ATP2B3: variants seen among roughly 807,000 people sequenced by gnomAD.
The protein encoded by ATP2B3 is ATPase plasma membrane Ca2+ transporting 3, also known as plasma membrane calcium-transporting ATPase 3.
A neutral mutation model predicts 70.8 loss-of-function variants in ATP2B3; 12 were observed. The ratio of observed to expected loss-of-function variants is 0.17; its 90% CI spans 0.11 to 0.27. The LOEUF is 0.27. Among genes scored for constraint, ATP2B3 ranks in the 10% least tolerant of loss-of-function variants. The pLI is 1.00. For missense variants in ATP2B3, 858 were observed against 1,118.5 expected (o/e 0.77, Z 3.32); for synonymous variants, 460 against 497.8 (o/e 0.92, Z 1.01).
At chrX:153,536,740 C>T (rs1406880486) in intron 3 of ATP2B3, among the ~76,000 whole-genome samples, 1 of 112,356 alleles carries the variant, frequency 8.9e-6, no homozygotes, top group Non-Finnish European at 1.9e-5. Flanking sequence ...CAAACAGAAA[C>T]CCTTCCGAGG....
chrX:153,538,144 C>T (rs2090221251), intron 3 of ATP2B3, among the ~76,000 whole-genome samples: 3 of 112,942 alleles, frequency 2.7e-5, no homozygotes, highest in South Asian at 7.2e-4. Flanking sequence ...GAGCGGGTGA[C>T]TCGCTCCCCG....
chrX:153,535,900 C>T (rs1557003657), intron 2 of ATP2B3, among the ~76,000 whole-genome samples: 1 of 112,840 alleles, frequency 8.9e-6, no homozygotes, highest in African/African-American at 3.2e-5. Flanking sequence ...CTGGGCAAGC[C>T]CTCCAGGTTC....
At chrX:153,549,231 G>A (rs1381822648) in intron 10 of ATP2B3, among the ~76,000 whole-genome samples, 1 of 99,034 alleles carries the variant, frequency 1.0e-5, no homozygotes, top group Non-Finnish European at 2.0e-5. Flanking sequence ...TGGTGGGGTG[G>A]GAGAGCTGCA....
intron 20 of ATP2B3, 128 bp from the exon 21 acceptor site, chrX:153,564,793 C>T: frequency 2.7e-6 from 2 of 730,529 alleles, no homozygotes; most frequent in Non-Finnish European, 3.9e-6. Context: ...ACTCCCTTTG[C>T]TTAGTCACAA....
intron 2 of ATP2B3, among the ~76,000 whole-genome samples, chrX:153,534,405 G>A (rs1003183977): frequency 2.7e-5 from 3 of 111,767 alleles, no homozygotes; most frequent in South Asian, 3.8e-4. Context: ...GGACAGCTTC[G>A]CTTGCTGTCC....
chrX:153,559,472 G>T (rs1450174890), intron 17 of ATP2B3: 6 of 395,416 alleles, frequency 1.5e-5, no homozygotes, highest in East Asian at 1.2e-4. Flanking sequence ...CTGTTTTGTG[G>T]TCTGGGGTTT....
rs1237382790 is a variant in ATP2B3, at chrX:153,518,559, A to G, written c.-127+8A>G. On this transcript the variant is annotated splice_region_variant and intron_variant, in intron 2 of 21. Coordinates refer to ENST00000263519, the MANE Select transcript of ATP2B3 (RefSeq NM_001001344.3). ...TGGAATTTGGAATGGCAGGTGCGGC[A>G]TCTCCCAGAGCCTGAGACGATGGGC... is the stretch of plus-strand genomic sequence containing the variant. Among the ~76,000 whole-genome samples, 3 of 111,961 alleles carry G rather than the reference A, an allele frequency of 2.7e-5. No homozygotes were observed. Among genetic ancestry groups the G allele is most frequent in the African/African-American group, 9.7e-5 (3 of 30,786 alleles).
At chrX:153,558,072 C>T in intron 16 of ATP2B3, 40 bp from the exon 17 acceptor site, 3 of 1,161,502 alleles carry the variant, frequency 2.6e-6, no homozygotes, top group South Asian at 4.1e-5. Flanking sequence ...GAAGGGGCCC[C>T]CACAAACACT....
At chrX:153,548,552 C>A in intron 9 of ATP2B3, 88 bp from the exon 10 acceptor site, 3 of 848,705 alleles carry the variant, frequency 3.5e-6, no homozygotes, top group Non-Finnish European at 3.4e-6. Context: ...CCTCCGAGAC[C>A]GTGTCCATAC....
At chrX:153,554,117 C>T (rs1243671841) in intron 13 of ATP2B3, among the ~76,000 whole-genome samples, 1 of 113,938 alleles carries the variant, frequency 8.8e-6, no homozygotes, top group African/African-American at 3.2e-5. Context: ...AGCCATGGCT[C>T]ATGTCAACAG....
chrX:153,579,494 C>T (rs1603139364), intron 21 of ATP2B3, among the ~76,000 whole-genome samples: 2 of 112,274 alleles, frequency 1.8e-5, no homozygotes, highest in East Asian at 5.6e-4. Context: ...ACATCCCACT[C>T]ACCAGCATTC....
rs971768494 is a variant in ATP2B3, at chrX:153,578,053, A to G, written c.3343-1925A>G. 7.1e-5 allele frequency among the ~76,000 whole-genome samples: 8 copies of G among 112,435 alleles called. 1 individual carries two copies. In the Middle Eastern group the frequency reaches 0.014, roughly 193 times the overall value. On this transcript the variant is annotated intron_variant, in intron 21 of 21. Transcript: ENST00000263519. ...CCGAAAAAAGGTGATTAATTGTCTA[A>G]ACGACAGAGCCAGAGAGGAAATATT... is the stretch of plus-strand genomic sequence containing the variant.
At chrX:153,557,843 G>A (rs1193783831) in intron 16 of ATP2B3, among the ~76,000 whole-genome samples, 1 of 106,919 alleles carries the variant, frequency 9.4e-6, no homozygotes, top group Non-Finnish European at 1.9e-5. Flanking sequence ...AAGCTGTGTT[G>A]ATGCCATGTC....
chrX:153,575,275 GAGCC>G (rs1413888713), intron 21 of ATP2B3, among the ~76,000 whole-genome samples: 4 of 112,816 alleles, frequency 3.5e-5, no homozygotes, highest in Non-Finnish European at 7.5e-5. Context: ...TGGGTGCAGC[GAGCC>G]AGACAGACAG....
chrX:153,541,884 G>A lies in ATP2B3; in HGVS notation c.622G>A (p.Val208Met), dbSNP rs782725101. The A allele has an allele frequency of 9.1e-6, 11 of 1,209,663 alleles. No homozygotes were observed. Among genetic ancestry groups the A allele is most frequent in the South Asian group, 1.8e-5 (1 of 56,809 alleles). Reference sequence around the variant, plus strand: ...GAACGGGCAGCTCCTCCAGGTCCCCGTGGCTGCGCTGGTGGTGGGGGACAT... The same window carrying A: ...GAACGGGCAGCTCCTCCAGGTCCCCATGGCTGCGCTGGTGGTGGGGGACAT... ...IRNGQLLQVP[V>M]AALVVGDIAQ... The change falls in exon 5 of 22, where the codon GTG (valine) becomes ATG (methionine). Residue 208 changes from valine to methionine, a missense_variant. Transcript: ENST00000263519.
At chrX:153,522,731 G>A (rs1446630433) in intron 2 of ATP2B3, among the ~76,000 whole-genome samples, 1 of 111,856 alleles carries the variant, frequency 8.9e-6, no homozygotes, top group Non-Finnish European at 1.9e-5. Flanking sequence ...GCAGCTCACC[G>A]TGCTGTGGGG....
chrX:153,545,839 G>A (rs1248231034), intron 7 of ATP2B3, among the ~76,000 whole-genome samples: 3 of 111,931 alleles, frequency 2.7e-5, no homozygotes, highest in African/African-American at 6.5e-5. Context: ...CCCTTCCAAG[G>A]CTGGCTTTAG....
intron 3 of ATP2B3, among the ~76,000 whole-genome samples, chrX:153,538,525 C>T (rs1423222249): frequency 8.8e-6 from 1 of 113,043 alleles, no homozygotes; most frequent in Non-Finnish European, 1.9e-5. Flanking sequence ...TGGGTTCGCC[C>T]GGGAACCTGG....
chrX:153,530,740 G>T (rs1557001605), intron 2 of ATP2B3, among the ~76,000 whole-genome samples: 1 of 108,502 alleles, frequency 9.2e-6, no homozygotes, highest in Non-Finnish European at 1.9e-5. Flanking sequence ...AGCTGTTCCA[G>T]GCATGAGAGC....
Sources: allele counts gnomAD v4.1 joint callset (sites outside exome capture counted in the v4.1 genomes callset), GRCh38; gene constraint gnomAD v4.1.1; transcripts MANE v1.5; gene names NCBI Gene and HGNC (gene_info 2026-07-23, HGNC 2026-07-21).